The following CSMD1 variants were observed in gnomAD, a reference collection of about 807,000 sequenced individuals.
CSMD1 encodes CUB and Sushi multiple domains 1.
CSMD1 carries 213 observed loss-of-function variants against 417.5 expected under a neutral mutation model. The observed-to-expected ratio is 0.51, with a 90% CI of 0.46 to 0.57. The LOEUF (loss-of-function observed/expected upper bound fraction) is 0.57, where lower values mean the gene tolerates loss of function less well. Ranked by LOEUF, CSMD1 falls within the 20% of genes least tolerant of loss-of-function variation. CSMD1 has a pLI of 0.00. For missense variants in CSMD1, 6,923 were observed against 4,529.7 expected (o/e 1.53, Z -15.17); for synonymous variants, 2,862 against 1,736.8 (o/e 1.65, Z -16.11).
intron 1 of CSMD1, among the ~76,000 whole-genome samples, chr8:4,813,164 T>C (rs1212061356): frequency 3.3e-5 from 5 of 152,188 alleles, no homozygotes. Context: ...CCTCAGTCAC[T>C]AATGCATACA....
intron 3 of CSMD1, among the ~76,000 whole-genome samples, chr8:4,291,102 A>G (rs1438578566): frequency 6.6e-6 from 1 of 152,206 alleles, no homozygotes; most frequent in Non-Finnish European, 1.5e-5. Context: ...ATACAAACAC[A>G]ACTTCTAAAT....
In CSMD1 at chr8:4,127,931, G is replaced by A. The variant is rs181425147; in HGVS notation, c.416-95832C>T. ...GTACTCTGACTCCAGAGCATGCACAGTTAAACACTATTCTGTCTTGCAAAG... is the reference window on the plus strand; with the variant it reads ...GTACTCTGACTCCAGAGCATGCACAATTAAACACTATTCTGTCTTGCAAAG... On this transcript the variant is annotated intron_variant, in intron 3 of 69. Transcript: ENST00000635120. Among the ~76,000 whole-genome samples the A allele has an allele frequency of 8.2e-4, 125 of 152,308 alleles. 1 individual carries two copies. The highest frequency in any genetic ancestry group is 2.9e-3 in the African/African-American group (122 of 41,574).
Position 2,966,683 on chromosome 8 carries a change from A to C in CSMD1, c.8987T>G (p.Leu2996Arg), listed in dbSNP as rs1015781271. 2 of 1,613,886 alleles carry C rather than the reference A, an allele frequency of 1.2e-6. No individual in the cohort carries two copies. The highest frequency in any genetic ancestry group is 2.7e-5 in the African/African-American group (2 of 75,050). The part of the protein sequence containing the change: ...NGMIVSSDGI[L>R]FSSSVIYACW... Reference sequence around the variant, plus strand: ...GGCATAGATGACCGAGCTGGAGAACAGAATGCCATCACTACTGACAATCAT... The same window carrying C: ...GGCATAGATGACCGAGCTGGAGAACCGAATGCCATCACTACTGACAATCAT... Residue 2996 changes from leucine (L) to arginine (R), a missense_variant, in exon 58 of 70, where the codon CTG becomes CGG. Physicochemically the swap from Leu to Arg is moderately radical, Grantham distance 102. Transcript: ENST00000635120.
intron 50 of CSMD1, among the ~76,000 whole-genome samples, chr8:3,047,564 G>A (rs1299978308): frequency 6.6e-6 from 1 of 152,152 alleles, no homozygotes; most frequent in Non-Finnish European, 1.5e-5. Context: ...TGTGCCCATG[G>A]AACTCACCAT....
At position 4,669,165 on chromosome 8, in the gene CSMD1, C is replaced by T. The variant is rs79116334; in HGVS notation, c.86-31607G>A. ...ATTTCCTTCTTCGCTTCCTTTAGGG[C>T]TGGGATGTGAATACTTTGCCTTCTC... On this transcript the variant is annotated intron_variant, in intron 1 of 69. Coordinates refer to ENST00000635120, the MANE Select transcript of CSMD1 (RefSeq NM_033225.6). Among the ~76,000 whole-genome samples, 859 of 152,272 alleles carry T rather than the reference C, an allele frequency of 5.6e-3. 16 individuals are homozygous for T. The highest frequency in any genetic ancestry group is 0.045 in the East Asian group (233 of 5,168).
chr8:2,944,941 G>C (rs956161749), intron 68 of CSMD1, among the ~76,000 whole-genome samples: 3 of 152,048 alleles, frequency 2.0e-5, no homozygotes, highest in Non-Finnish European at 4.4e-5. Flanking sequence ...CGTGTCACAA[G>C]ACACCTCACA....
At chr8:4,427,980 C>T (rs2128944832) in intron 2 of CSMD1, among the ~76,000 whole-genome samples, 1 of 152,276 alleles carries the variant, frequency 6.6e-6, no homozygotes, top group East Asian at 1.9e-4. Context: ...GCTGTGACAC[C>T]TCATTGGCCC....
Position 3,091,627 on chromosome 8 carries a change from T to G in CSMD1, c.7174A>C (p.Ser2392Arg). The G allele has an allele frequency of 6.2e-7, 1 of 1,611,786 alleles. No homozygotes were observed. Among genetic ancestry groups the G allele is most frequent in the Non-Finnish European group, 8.5e-7 (1 of 1,179,468 alleles). The change falls in exon 48 of 70, where the codon AGT becomes CGT. Residue 2392 changes from serine to arginine, a missense_variant. Coordinates refer to ENST00000635120, the MANE Select transcript of CSMD1 (RefSeq NM_033225.6). Reference sequence around the variant, plus strand: ...TTTGATTGTTCAGTATGATTCCCACTTAAGACTACTAGCAGAGGACTTTGC... The same window carrying G: ...TTTGATTGTTCAGTATGATTCCCACGTAAGACTACTAGCAGAGGACTTTGC... ...SGQSPLLVVLSGNHTEQSNFT... is the reference protein window; with the variant it reads ...SGQSPLLVVLRGNHTEQSNFT...
At chr8:4,378,536 G>T (rs75765135) in intron 3 of CSMD1, among the ~76,000 whole-genome samples, 49 of 152,230 alleles carry the variant, frequency 3.2e-4, no homozygotes, top group African/African-American at 1.0e-3. Flanking sequence ...TGAAGTCACC[G>T]TGTGACCATT....
At chr8:4,114,010 G>A (rs187361380) in intron 3 of CSMD1, among the ~76,000 whole-genome samples, 48 of 152,282 alleles carry the variant, frequency 3.2e-4, no homozygotes, top group African/African-American at 9.6e-4. Flanking sequence ...GCTGCAGCAC[G>A]TTCTCCAGAA....
chr8:3,849,520 G>C (rs916361901), intron 5 of CSMD1, among the ~76,000 whole-genome samples: 1 of 152,114 alleles, frequency 6.6e-6, no homozygotes, highest in Admixed American at 6.6e-5. Flanking sequence ...GTAGCTCGAC[G>C]GTTAGAATGA....
intron 2 of CSMD1, among the ~76,000 whole-genome samples, chr8:4,479,671 A>G (rs1426394482): frequency 2.0e-5 from 3 of 152,076 alleles, no homozygotes; most frequent in African/African-American, 4.8e-5. Flanking sequence ...CCAGGTGGGT[A>G]GACCACGAGG....
intron 2 of CSMD1, among the ~76,000 whole-genome samples, chr8:4,467,197 CCT>C (rs1800232934): frequency 6.6e-6 from 1 of 151,538 alleles, no homozygotes; most frequent in Admixed American, 6.6e-5. Flanking sequence ...TGTTCAAAGT[CCT>C]TAACAGTTTC....
chr8:4,018,673 T>C (rs947915137), intron 4 of CSMD1, among the ~76,000 whole-genome samples: 1 of 152,242 alleles, frequency 6.6e-6, no homozygotes, highest in Non-Finnish European at 1.5e-5. Flanking sequence ...TTGTAATATT[T>C]GTTTCTCAAT....
At chr8:4,921,415 T>C (rs185287555) in intron 1 of CSMD1, among the ~76,000 whole-genome samples, 1 of 152,338 alleles carries the variant, frequency 6.6e-6, no homozygotes, top group Admixed American at 6.5e-5. Context: ...TGTGAATTAA[T>C]GGGAGTTTAT....
chr8:4,800,573 G>A (rs1428960456), intron 1 of CSMD1, among the ~76,000 whole-genome samples: 1 of 152,188 alleles, frequency 6.6e-6, no homozygotes, highest in South Asian at 2.1e-4. Flanking sequence ...ACCTCAGACC[G>A]TCAGAGGCAG....
chr8:4,679,651 G>C (rs1805913558), intron 1 of CSMD1, among the ~76,000 whole-genome samples: 1 of 152,108 alleles, frequency 6.6e-6, no homozygotes, highest in East Asian at 1.9e-4. Flanking sequence ...ATCTTACTAG[G>C]AAGTTAGGAG....
chr8:3,138,645 A>C (rs1425142868), intron 41 of CSMD1, among the ~76,000 whole-genome samples: 1 of 152,148 alleles, frequency 6.6e-6, no homozygotes, highest in Non-Finnish European at 1.5e-5. Context: ...CTAACCAAAG[A>C]GTGGGAGTGG....
At chr8:4,594,252 G>T (rs1167171290) in intron 2 of CSMD1, among the ~76,000 whole-genome samples, 1 of 131,206 alleles carries the variant, frequency 7.6e-6, no homozygotes, top group Non-Finnish European at 1.6e-5. Context: ...TACCCAGGCT[G>T]GAGTGCAGTG....
Sources: gnomAD v4.1 joint callset for allele counts (sites outside exome capture counted in the v4.1 genomes callset) on GRCh38, gnomAD v4.1.1 for gene constraint, MANE v1.5 for transcripts, NCBI Gene and HGNC (gene_info 2026-07-23, HGNC 2026-07-21) for gene names.